GMDS: variants seen among roughly 807,000 people sequenced by gnomAD.
GMDS encodes the protein GDP-mannose 4,6 dehydratase.
GMDS carries 20 observed loss-of-function variants against 49.9 expected under a neutral mutation model. That is an observed-to-expected ratio of 0.40 (90% CI 0.28 to 0.58). The LOEUF (loss-of-function observed/expected upper bound fraction) is 0.58. GMDS is among the 20% of genes least tolerant of loss of function. The probability of loss-of-function intolerance (pLI) is 0.42; values close to 1 mark genes in which losing one functional copy is unlikely to be tolerated. For synonymous variants in GMDS, 177 were observed against 178.6 expected, an observed-to-expected ratio of 0.99 and a Z score of 0.07; for missense variants, 362 against 481.4, an observed-to-expected ratio of 0.75 and a Z score of 2.32.
At chr6:1,888,346 T>C (rs1759711877) in intron 7 of GMDS, among the ~76,000 whole-genome samples, 1 of 151,954 alleles carries the variant, frequency 6.6e-6, no homozygotes, top group Admixed American at 6.6e-5. Flanking sequence ...TGGTGGAAGG[T>C]GAAGGGGAAG....
intron 1 of GMDS, among the ~76,000 whole-genome samples, chr6:2,240,412 C>T (rs1247840361): frequency 2.6e-5 from 4 of 152,042 alleles, no homozygotes; most frequent in Non-Finnish European, 4.4e-5. Context: ...TCCAACCTGG[C>T]AGAAAAGATA....
At chr6:1,823,473 G>A (rs1364811489) in intron 7 of GMDS, among the ~76,000 whole-genome samples, 1 of 152,066 alleles carries the variant, frequency 6.6e-6, no homozygotes, top group Non-Finnish European at 1.5e-5. Flanking sequence ...TTACACAGCT[G>A]AGCACAGCCT....
chr6:2,163,063 T>C (rs1322219768), intron 1 of GMDS, among the ~76,000 whole-genome samples: 1 of 152,226 alleles, frequency 6.6e-6, no homozygotes, highest in Non-Finnish European at 1.5e-5. Context: ...TGATGTAAAC[T>C]GTCGTAAGGA....
At chr6:1,921,036 G>A (rs910918507) in intron 7 of GMDS, among the ~76,000 whole-genome samples, 1 of 152,182 alleles carries the variant, frequency 6.6e-6, no homozygotes, top group African/African-American at 2.4e-5. Flanking sequence ...TGGAGTACAA[G>A]CTTCCATCTT....
chr6:1,856,742 T>C (rs1757952844), intron 7 of GMDS, among the ~76,000 whole-genome samples: 1 of 152,174 alleles, frequency 6.6e-6, no homozygotes. Context: ...GTGGAACTCT[T>C]TAGGCTGCGT....
At chr6:1,720,237 A>G (rs1766331847) in intron 9 of GMDS, among the ~76,000 whole-genome samples, 1 of 152,108 alleles carries the variant, frequency 6.6e-6, no homozygotes, top group Non-Finnish European at 1.5e-5. Context: ...GAGGGGGGAG[A>G]GCAACCGAGG....
chr6:1,844,657 G>A (rs1757306564), intron 7 of GMDS, among the ~76,000 whole-genome samples: 1 of 152,084 alleles, frequency 6.6e-6, no homozygotes, highest in Non-Finnish European at 1.5e-5. Flanking sequence ...CCTGATTTTA[G>A]CAGTGTCTTC....
chr6:1,631,210 A>G (rs908088431), intron 9 of GMDS, among the ~76,000 whole-genome samples: 3 of 152,200 alleles, frequency 2.0e-5, no homozygotes, highest in Non-Finnish European at 2.9e-5. Context: ...TATAGACATC[A>G]GCTAATTAAA....
At chr6:1,984,666 T>A (rs1277380769) in intron 4 of GMDS, among the ~76,000 whole-genome samples, 1 of 152,148 alleles carries the variant, frequency 6.6e-6, no homozygotes, top group Non-Finnish European at 1.5e-5. Context: ...CTACAATCCA[T>A]CCTCCATGCT....
chr6:1,951,096 A>G (rs1199799833), intron 6 of GMDS, among the ~76,000 whole-genome samples: 1 of 152,184 alleles, frequency 6.6e-6, no homozygotes, highest in African/African-American at 2.4e-5. Flanking sequence ...GAGAACCACT[A>G]TTCTAGAGCA....
intron 7 of GMDS, among the ~76,000 whole-genome samples, chr6:1,860,586 A>G (rs933016177): frequency 2.0e-5 from 3 of 152,228 alleles, no homozygotes; most frequent in African/African-American, 7.2e-5. Context: ...ATAGAACTAC[A>G]TACTAATAAC....
At chr6:1,937,529 G>A (rs997678815) in intron 6 of GMDS, among the ~76,000 whole-genome samples, 2 of 152,294 alleles carry the variant, frequency 1.3e-5, no homozygotes, top group Middle Eastern at 3.4e-3. Context: ...ATCCAACAGG[G>A]CCATGCTCCT....
At chr6:1,840,673 A>C (rs1355855962) in intron 7 of GMDS, among the ~76,000 whole-genome samples, 3 of 152,172 alleles carry the variant, frequency 2.0e-5, no homozygotes, top group African/African-American at 7.2e-5. Flanking sequence ...GGTCAGCCGC[A>C]CTTCCAAGTG....
intron 7 of GMDS, among the ~76,000 whole-genome samples, chr6:1,893,254 C>T (rs1348589891): frequency 2.8e-5 from 4 of 141,700 alleles, no homozygotes; most frequent in African/African-American, 5.3e-5. Context: ...AGTGCAGTGG[C>T]GCGATGTCAG....
rs1324555551 is a variant in GMDS, at chr6:1,766,473, A to C, written c.772-23887T>G. 6.6e-6 allele frequency among the ~76,000 whole-genome samples: 1 copy of C among 152,178 alleles called. No individual in the cohort carries two copies. The highest frequency in any genetic ancestry group is 2.4e-5 in the African/African-American group (1 of 41,440). On this transcript the variant is annotated intron_variant, in intron 7 of 10. Transcript: ENST00000380815. This position sits in a 1 kb window ranked among gnomAD's most constrained non-coding sequence, Gnocchi z 4.5. ...AATCCTAATGGGAACCAATGAAGAA[A>C]TGAGTATCATATTTATATATCTGCT...
At chr6:2,089,630 T>A (rs1255253260) in intron 4 of GMDS, among the ~76,000 whole-genome samples, 1 of 152,240 alleles carries the variant, frequency 6.6e-6, no homozygotes, top group Non-Finnish European at 1.5e-5. Context: ...TATGTGTTGT[T>A]CACTGCTTTT....
intron 4 of GMDS, among the ~76,000 whole-genome samples, chr6:2,093,450 T>C (rs1773429926): frequency 6.6e-6 from 1 of 152,186 alleles, no homozygotes; most frequent in Non-Finnish European, 1.5e-5. Flanking sequence ...AAGATTCAAC[T>C]TAATCCCCTA....
At chr6:1,949,350 TTC>T (rs1763231180) in intron 6 of GMDS, among the ~76,000 whole-genome samples, 1 of 139,098 alleles carries the variant, frequency 7.2e-6, no homozygotes, top group Non-Finnish European at 1.5e-5. Flanking sequence ...AGTGGCCAAA[TTC>T]TCTGTGTATA....
At chr6:1,852,535 T>C (rs562686709) in intron 7 of GMDS, among the ~76,000 whole-genome samples, 3 of 152,190 alleles carry the variant, frequency 2.0e-5, no homozygotes, top group Non-Finnish European at 4.4e-5. Flanking sequence ...TTTCTTTTAT[T>C]TTCCACAAGC....
Sources: gnomAD v4.1 joint callset for allele counts (sites outside exome capture counted in the v4.1 genomes callset) on GRCh38, gnomAD v4.1.1 for gene constraint, Gnocchi (gnomAD v3.1) non-coding constraint, MANE v1.5 for transcripts, NCBI Gene and HGNC (gene_info 2026-07-23, HGNC 2026-07-21) for gene names.